ZNF117: variants seen among roughly 807,000 people sequenced by gnomAD.
The protein encoded by ZNF117 is Krueppel-related zinc finger protein.
Under a neutral mutation model 41.2 loss-of-function variants are expected in ZNF117, and 37 were observed. The ratio of observed to expected loss-of-function variants is 0.90; its 90% CI spans 0.69 to 1.18. ZNF117 has a LOEUF of 1.18. Among genes scored for constraint, ZNF117 ranks in the 50% most tolerant of loss-of-function variants. The probability of loss-of-function intolerance (pLI) is 0.00; values close to 1 mark genes in which losing one functional copy is unlikely to be tolerated. For missense variants in ZNF117, 546 were observed against 557.5 expected, an observed-to-expected ratio of 0.98 and a Z score of 0.21; for synonymous variants, 186 against 186.6, an observed-to-expected ratio of 1.00 and a Z score of 0.02.
upstream of ZNF117, among the ~76,000 whole-genome samples, chr7:64,984,138 CT>C (rs779954070): frequency 3.0e-3 from 454 of 148,954 alleles, 4 homozygotes; most frequent in African/African-American, 0.01. Context: ...CCAAAGAACA[CT>C]TTTTTTTTTT....
At chr7:64,989,030 T>G (rs1786195452) in intron 1 of ZNF117, among the ~76,000 whole-genome samples, 1 of 152,016 alleles carries the variant, frequency 6.6e-6, no homozygotes, top group Admixed American at 6.6e-5. Flanking sequence ...AAAAGAAATT[T>G]ACAGATCTAA....
At chr7:64,989,859 G>A (rs1207787600) in intron 1 of ZNF117, 88 bp downstream of exon 1, 2 of 151,956 alleles carry the variant, frequency 1.3e-5, no homozygotes, top group Admixed American at 6.6e-5. Flanking sequence ...GGATCATGAG[G>A]TCAAGAGATC....
chr7:64,986,144 A>T (rs1363249386), upstream of ZNF117, among the ~76,000 whole-genome samples: 1 of 44,782 alleles, frequency 2.2e-5, no homozygotes, highest in Admixed American at 3.1e-4. Context: ...AGCAGAAGAA[A>T]GAAAGGTGTT....
At chr7:64,984,875 C>G (rs538948461), upstream of ZNF117, among the ~76,000 whole-genome samples, 5 of 152,320 alleles carry the variant, frequency 3.3e-5, no homozygotes, top group East Asian at 9.7e-4. Context: ...ACTGCAACCT[C>G]TGCCTCCCAG....
chr7:64,988,519 A>G (rs1034690002), intron 1 of ZNF117, among the ~76,000 whole-genome samples: 1 of 152,192 alleles, frequency 6.6e-6, no homozygotes, highest in African/African-American at 2.4e-5. Context: ...AGCTGGAAGC[A>G]TTTCTCCATG....
exon 3 of ZNF117, chr7:64,975,131 CTT>C (rs1785853074): frequency 6.6e-6 from 1 of 151,830 alleles, no homozygotes; most frequent in Non-Finnish European, 1.5e-5. Flanking sequence ...TTGTTACTAT[CTT>C]TTACCAACAC....
chr7:64,985,650 G>A (rs1316919606), upstream of ZNF117, among the ~76,000 whole-genome samples: 1 of 152,076 alleles, frequency 6.6e-6, no homozygotes, highest in Non-Finnish European at 1.5e-5. Flanking sequence ...AATGCTTTAA[G>A]GAAAAATAAA....
chr7:64,972,487 C>T (rs2129117177), downstream of ZNF117: 1 of 152,080 alleles, frequency 6.6e-6, no homozygotes, highest in Admixed American at 6.5e-5. Context: ...CTATTATTTT[C>T]AATCACATGA....
intron 2 of ZNF117, chr7:64,981,173 T>C (rs1540833): frequency 0.39 from 226,670 of 587,188 alleles, 44,506 homozygotes; most frequent in South Asian, 0.42. Context: ...CACTGTGAAA[T>C]TGAAGACAGA....
chr7:64,978,964 T>TA lies in ZNF117; in HGVS notation c.606dup (p.Asn203Ter), dbSNP rs768207007. Reference sequence around the variant, plus strand: ...TGTGTAGTAAGGGTCGATGACTGGTTAAAGGCTTTGCCACATTCTTCACAT... The same window carrying TA: ...TGTGTAGTAAGGGTCGATGACTGGTTAAAAGGCTTTGCCACATTCTTCACAT... On this transcript the variant is annotated frameshift_variant, in exon 3 of 3. Coordinates refer to ENST00000620222, the Ensembl canonical transcript of ZNF117. LOFTEE classifies it high-confidence loss of function. 1 of 1,613,558 alleles carries TA rather than the reference T, an allele frequency of 6.2e-7. No individual in the cohort carries two copies. The highest frequency in any genetic ancestry group is 1.7e-5 in the Admixed American group (1 of 59,912).
At chr7:64,981,326 T>C (rs1786027851) in intron 2 of ZNF117, 61 bp downstream of exon 3, 5 of 1,591,870 alleles carry the variant, frequency 3.1e-6, no homozygotes, top group Non-Finnish European at 4.3e-6. Context: ...TTTTAAGCTG[T>C]GGCCTTCTCC....
At chr7:64,987,691 T>C (rs1390457849) in intron 1 of ZNF117, among the ~76,000 whole-genome samples, 2 of 151,716 alleles carry the variant, frequency 1.3e-5, no homozygotes, top group Non-Finnish European at 2.9e-5. Context: ...CTGAAAGAAA[T>C]AGTAAATTCA....
At chr7:64,980,618 C>G (rs1786004114) in intron 2 of ZNF117, 1 of 151,812 alleles carries the variant, frequency 6.6e-6, no homozygotes, top group Non-Finnish European at 1.5e-5. Context: ...ACAACAAGAA[C>G]ATATATAAGC....
At chr7:64,983,438 T>C (rs1786073238), upstream of ZNF117, among the ~76,000 whole-genome samples, 1 of 152,184 alleles carries the variant, frequency 6.6e-6, no homozygotes, top group South Asian at 2.1e-4. Context: ...CCCTTGACTA[T>C]CATAAGAATT....
exon 3 of ZNF117, chr7:64,977,102 GTGTGAGAAC>G (rs1785906280): frequency 1.9e-6 from 1 of 515,366 alleles, no homozygotes; most frequent in Non-Finnish European, 4.0e-6. Context: ...GTATAGCAAG[GTGTGAGAAC>G]TGTTTAAAAG....
At chr7:64,984,099 G>A (rs1392139621), upstream of ZNF117, among the ~76,000 whole-genome samples, 4 of 152,104 alleles carry the variant, frequency 2.6e-5, no homozygotes, top group Admixed American at 1.3e-4. Flanking sequence ...TTAAATGAGA[G>A]ATCTATAATG....
exon 3 of ZNF117, chr7:64,978,353 T>C (rs1785941040): frequency 1.9e-6 from 3 of 1,613,644 alleles, no homozygotes; most frequent in Non-Finnish European, 2.5e-6. Context: ...TTTTCTTACA[T>C]GTACTAAGTT....
chr7:64,973,277 TGGAAATGTATGTTATGCTATATCATA>T, downstream of ZNF117: 1 of 152,016 alleles, frequency 6.6e-6, no homozygotes. Context: ...AGATTCTGCA[TGGAAATGTATGTTATGCTATATCATA>T]GAAAATTAAA....
At chr7:64,983,266 T>A (rs1237387359), upstream of ZNF117, among the ~76,000 whole-genome samples, 1 of 152,196 alleles carries the variant, frequency 6.6e-6, no homozygotes, top group Non-Finnish European at 1.5e-5. Flanking sequence ...CCAATAGGAA[T>A]CTTGAGTAGT....
Sources: allele counts gnomAD v4.1 joint callset (sites outside exome capture counted in the v4.1 genomes callset), GRCh38; gene constraint gnomAD v4.1.1; transcripts MANE v1.5; gene names NCBI Gene and HGNC (gene_info 2026-07-23, HGNC 2026-07-21).